HPS5: variants seen among roughly 807,000 people sequenced by gnomAD.
HPS5 encodes the protein HPS5 biogenesis of lysosomal organelles complex 2 subunit 2, also known as BLOC-2 complex member HPS5.
A neutral mutation model predicts 128.0 loss-of-function variants in HPS5; 83 were observed. That is an observed-to-expected ratio of 0.65 (90% CI 0.54 to 0.78). The LOEUF (loss-of-function observed/expected upper bound fraction) is 0.78. Ranked by LOEUF, HPS5 falls within the 30% of genes least tolerant of loss-of-function variation. The probability of loss-of-function intolerance (pLI) is 0.00; values close to 1 mark genes in which losing one functional copy is unlikely to be tolerated. For missense variants in HPS5, 1,281 were observed against 1,326.2 expected (o/e 0.97, Z 0.53); for synonymous variants, 475 against 470.2 (o/e 1.01, Z -0.13).
At position 18,286,616 on chromosome 11, in the gene HPS5, T is replaced by C; in HGVS notation, c.2812A>G (p.Thr938Ala). ...CTGGGATAACCTTCATCATCCATTG[T>C]GCTGGTGCTTGGTGGAGCATCAAGG... ...VSLDAPPSTS[T>A]MDDEGYPRPH... Residue 938 changes from threonine (T) to alanine (A), a missense_variant, in exon 19 of 23, where the codon ACA becomes GCA. Physicochemically the swap from Thr to Ala is moderately conservative, Grantham distance 58. Transcript: ENST00000349215. The C allele has an allele frequency of 6.2e-7, 1 of 1,613,944 alleles. No individual in the cohort carries two copies. Among genetic ancestry groups the C allele is most frequent in the Non-Finnish European group, 8.5e-7 (1 of 1,179,980 alleles).
At position 18,300,832 on chromosome 11, in the gene HPS5, G is replaced by T. The variant is rs141140267; in HGVS notation, c.981C>A (p.Val327=). ...TACAAAGAAAAATATAATTACCTTT[G>T]ACTTCACTCCAAAGAAGAACTTGAA... ...QNVQVLLWSE[V]KDIQDVAVCR... is the part of the protein sequence containing the mutation. Residue 327 remains valine, a synonymous_variant, in exon 9 of 23, where the codon GTC becomes GTA. Transcript: ENST00000349215. 1.2e-4 allele frequency: 174 copies of T among 1,486,674 alleles called. No individual in the cohort carries two copies. The highest frequency in any genetic ancestry group is 6.8e-5 in the Non-Finnish European group (73 of 1,066,270). The allele number at this position is 1,486,674 out of a possible 1,614,324, so 92.1% of individuals were successfully genotyped here. A position where few individuals can be genotyped will look rare whatever the true frequency, so the allele number is the denominator to read the frequency against.
At chr11:18,313,302 ATGCACCCACTCTC>A (rs761010704) in intron 2 of HPS5, among the ~76,000 whole-genome samples, 6 of 152,184 alleles carry the variant, frequency 3.9e-5, no homozygotes, top group Non-Finnish European at 7.3e-5. Flanking sequence ...GATATCAGTC[ATGCACCCACTCTC>A]TGCACCCACG....
At chr11:18,308,866 G>T in intron 6 of HPS5, 80 bp downstream of exon 6, 1 of 1,391,798 alleles carries the variant, frequency 7.2e-7, no homozygotes, top group Non-Finnish European at 1.0e-6. Context: ...CTGATTGATG[G>T]GGCTTGGGGT....
intron 8 of HPS5, among the ~76,000 whole-genome samples, chr11:18,302,822 CGGGGGGG>C (rs1222065101): frequency 6.2e-4 from 1 of 1,602 alleles, no homozygotes; most frequent in African/African-American, 2.7e-3. Flanking sequence ...AGAAAAAAAG[CGGGGGGG>C]GGGGGGGTGT....
In HPS5 at chr11:18,291,782, T is replaced by G; in HGVS notation, c.2100A>C (p.Glu700Asp). 6.2e-7 allele frequency: 1 copy of G among 1,614,118 alleles called. No homozygotes were observed. Among genetic ancestry groups the G allele is most frequent in the Non-Finnish European group, 8.5e-7 (1 of 1,179,946 alleles). ...ATTCACATGCTGTTTTATCAACAGA[T>G]TCTTCATTGCCTAAAGAGTCCCTTT... Reference protein sequence around the residue: ...KEKRDSLGNEESVDKTACECV... With the variant: ...KEKRDSLGNEDSVDKTACECV... The change falls in exon 16 of 23, where the codon GAA becomes GAC. Residue 700 changes from glutamate to aspartate, a missense_variant. Transcript: ENST00000349215.
At chr11:18,302,190 G>C (rs1162552223) in intron 8 of HPS5, among the ~76,000 whole-genome samples, 1 of 152,004 alleles carries the variant, frequency 6.6e-6, no homozygotes. Context: ...CTCTGGTCTG[G>C]AGGACTCATT....
chr11:18,316,303 A>G (rs977722362), intron 2 of HPS5, among the ~76,000 whole-genome samples: 3 of 152,170 alleles, frequency 2.0e-5, no homozygotes, highest in Admixed American at 6.5e-5. Context: ...AAAAGAAGAA[A>G]AAAAAAAGAA....
At chr11:18,296,606 G>C in intron 12 of HPS5, 192 bp downstream of exon 12, 1 of 705,370 alleles carries the variant, frequency 1.4e-6, no homozygotes, top group Non-Finnish European at 2.5e-6. Context: ...AAACGTGAGG[G>C]GAAAAAATAC....
intron 6 of HPS5, among the ~76,000 whole-genome samples, chr11:18,307,713 C>G (rs1418041582): frequency 6.6e-6 from 1 of 150,904 alleles, no homozygotes; most frequent in East Asian, 1.9e-4. Flanking sequence ...TGGCTAGTCA[C>G]TAGGAGTCTC....
At chr11:18,302,176 A>G (rs1365644837) in intron 8 of HPS5, among the ~76,000 whole-genome samples, 7 of 151,974 alleles carry the variant, frequency 4.6e-5, no homozygotes, top group African/African-American at 1.7e-4. Context: ...CTTTCTCTCC[A>G]GTCCTCTGGT....
At chr11:18,314,976 A>G (rs1039507616) in intron 2 of HPS5, among the ~76,000 whole-genome samples, 4 of 152,202 alleles carry the variant, frequency 2.6e-5, no homozygotes, top group Non-Finnish European at 1.5e-5. Flanking sequence ...CTGGGATTAC[A>G]GGCATGAGCC....
intron 1 of HPS5, among the ~76,000 whole-genome samples, chr11:18,318,587 C>T (rs143081304): frequency 4.6e-4 from 70 of 152,260 alleles, no homozygotes; most frequent in African/African-American, 1.6e-3. Context: ...TAAAGTAACA[C>T]GAAAGTTTTT....
At chr11:18,286,841 T>C in intron 18 of HPS5, 131 bp from the exon 19 acceptor site, 1 of 1,212,642 alleles carries the variant, frequency 8.2e-7, no homozygotes. Flanking sequence ...ACTCTTCTGC[T>C]ACAAAATGTC....
At chr11:18,289,298 G>C (rs1472003274) in intron 16 of HPS5, among the ~76,000 whole-genome samples, 1 of 152,204 alleles carries the variant, frequency 6.6e-6, no homozygotes, top group Non-Finnish European at 1.5e-5. Flanking sequence ...GGGGAAGCCT[G>C]ATGACTGCGC....
intron 18 of HPS5, 75 bp from the exon 19 acceptor site, chr11:18,286,785 G>A: frequency 3.8e-6 from 6 of 1,583,964 alleles, no homozygotes; most frequent in Non-Finnish European, 4.3e-6. Flanking sequence ...GGAGTGTGAA[G>A]AAAACCTGAT....
Position 18,279,477 on chromosome 11 carries a change from C to G in HPS5, c.*405G>C, listed in dbSNP as rs1590032734. The stretch of plus-strand genomic sequence containing the variant: ...ATAATTCAACTCCAGTCAATAATAC[C>G]ATCTGTCTTCATGTGACCAGGATGA... On this transcript the variant is annotated 3_prime_UTR_variant, in exon 23 of 23. Coordinates refer to ENST00000349215, the MANE Select transcript of HPS5 (RefSeq NM_181507.2). 5.1e-6 allele frequency: 1 copy of G among 196,154 alleles called. No individual in the cohort carries two copies. The highest frequency in any genetic ancestry group is 1.3e-4 in the East Asian group (1 of 7,786). The allele number at this position is 196,154 out of a possible 1,614,324, so 12.2% of individuals were successfully genotyped here.
At chr11:18,289,504 G>C (rs1480514926) in intron 16 of HPS5, among the ~76,000 whole-genome samples, 2 of 151,634 alleles carry the variant, frequency 1.3e-5, no homozygotes, top group African/African-American at 4.8e-5. Flanking sequence ...GAGTAATAAT[G>C]TCACACATTT....
At chr11:18,288,095 CATT>C in intron 16 of HPS5, 82 bp from the exon 17 acceptor site, 1 of 1,487,802 alleles carries the variant, frequency 6.7e-7, no homozygotes, top group South Asian at 1.1e-5. Flanking sequence ...ATTCAGCAAT[CATT>C]AGTCACGTAC....
intron 21 of HPS5, 36 bp downstream of exon 21, chr11:18,283,759 T>C (rs1271662486): frequency 1.3e-6 from 2 of 1,495,402 alleles, no homozygotes; most frequent in East Asian, 2.3e-5. Flanking sequence ...CTTCTAAAAA[T>C]TGACAACCAA....
Sources: allele counts gnomAD v4.1 joint callset (sites outside exome capture counted in the v4.1 genomes callset), GRCh38; gene constraint gnomAD v4.1.1; transcripts MANE v1.5; gene names NCBI Gene and HGNC (gene_info 2026-07-23, HGNC 2026-07-21).